DRC10: variants seen among roughly 807,000 people sequenced by gnomAD.
The protein encoded by DRC10 is dynein regulatory complex subunit 10.
At chr12:113,198,402 C>A in the DRC10 span, among the ~76,000 whole-genome samples, 1 of 152,088 alleles carries the variant, frequency 6.6e-6, no homozygotes, top group Non-Finnish European at 1.5e-5. Context: ...GATTTAGATG[C>A]AGTGGAGGGA....
the DRC10 span, among the ~76,000 whole-genome samples, chr12:113,220,085 A>G: frequency 6.6e-6 from 1 of 152,120 alleles, no homozygotes; most frequent in Admixed American, 6.6e-5. Context: ...TCGGCCTCCC[A>G]AAGTGCTGGG....
chr12:113,197,239 G>A, the DRC10 span, among the ~76,000 whole-genome samples: 19 of 122,406 alleles, frequency 1.6e-4, 1 homozygote, highest in African/African-American at 5.8e-4. Context: ...GTCTTGCTCT[G>A]TTGCCCAGGC....
chr12:113,219,444 T>C, the DRC10 span, among the ~76,000 whole-genome samples: 1 of 152,274 alleles, frequency 6.6e-6, no homozygotes, highest in Admixed American at 6.5e-5. Flanking sequence ...TGTTTATTTA[T>C]CTACATGATG....
the DRC10 span, among the ~76,000 whole-genome samples, chr12:113,203,260 A>C: frequency 2.6e-5 from 4 of 152,216 alleles, no homozygotes; most frequent in South Asian, 8.3e-4. Flanking sequence ...CCTGAGCTCA[A>C]GTGATCCACC....
the DRC10 span, among the ~76,000 whole-genome samples, chr12:113,196,681 T>C: frequency 6.6e-6 from 1 of 152,194 alleles, no homozygotes; most frequent in Non-Finnish European, 1.5e-5. Context: ...TTTGGCTCAC[T>C]CCAGCGCATA....
the DRC10 span, among the ~76,000 whole-genome samples, chr12:113,211,279 G>A: frequency 7.9e-5 from 12 of 152,092 alleles, no homozygotes; most frequent in African/African-American, 2.7e-4. Flanking sequence ...TAGATATAGG[G>A]TCTTGCTATG....
chr12:113,206,456 G>GT, the DRC10 span, among the ~76,000 whole-genome samples: 1 of 152,020 alleles, frequency 6.6e-6, no homozygotes, highest in Non-Finnish European at 1.5e-5. Flanking sequence ...AGCCAATCGG[G>GT]TTGAGTACAG....
chr12:113,208,099 T>C, the DRC10 span: 11 of 1,614,248 alleles, frequency 6.8e-6, no homozygotes, highest in Non-Finnish European at 9.3e-6. Context: ...TGGGTCTGTC[T>C]TTGGCCCTAT....
At chr12:113,207,944 T>C in the DRC10 span, 2 of 1,614,218 alleles carry the variant, frequency 1.2e-6, no homozygotes, top group Non-Finnish European at 1.7e-6. Flanking sequence ...TCCTCTCTGT[T>C]GGATGCCACA....
chr12:113,209,892 G>A, the DRC10 span, among the ~76,000 whole-genome samples: 6 of 152,222 alleles, frequency 3.9e-5, no homozygotes, highest in African/African-American at 1.2e-4. Flanking sequence ...GTGGGAGGCC[G>A]AGGGAGGTGG....
chr12:113,199,752 C>G, the DRC10 span, among the ~76,000 whole-genome samples: 1 of 152,076 alleles, frequency 6.6e-6, no homozygotes, highest in Non-Finnish European at 1.5e-5. Context: ...AGGTTTCACT[C>G]TGTTGACCTG....
the DRC10 span, chr12:113,208,240 T>C: frequency 6.6e-7 from 1 of 1,515,156 alleles, no homozygotes; most frequent in East Asian, 2.3e-5. Flanking sequence ...GGTCTCGTGC[T>C]TTTATTGTCT....
chr12:113,216,380 G>A, the DRC10 span, among the ~76,000 whole-genome samples: 1 of 152,186 alleles, frequency 6.6e-6, no homozygotes, highest in African/African-American at 2.4e-5. Flanking sequence ...GGGGAAGGGA[G>A]GGATGAATAG....
At chr12:113,212,562 C>T in the DRC10 span, among the ~76,000 whole-genome samples, 2,572 of 152,288 alleles carry the variant, frequency 0.017, 57 homozygotes, top group African/African-American at 0.058. Flanking sequence ...TCAGAGAGTG[C>T]GGCTGGAAAC....
At chr12:113,214,420 C>A in the DRC10 span, among the ~76,000 whole-genome samples, 5 of 147,078 alleles carry the variant, frequency 3.4e-5, no homozygotes. Context: ...GCAGGAGAAT[C>A]ACTTGAACCA....
the DRC10 span, among the ~76,000 whole-genome samples, chr12:113,215,343 AATCCTTGCT>A: frequency 6.6e-6 from 1 of 152,214 alleles, no homozygotes; most frequent in Non-Finnish European, 1.5e-5. Context: ...AATGAAATGA[AATCCTTGCT>A]CAAAAGTGTT....
At chr12:113,195,595 TCTC>T in the DRC10 span, 1 of 1,601,682 alleles carries the variant, frequency 6.2e-7, no homozygotes, top group Non-Finnish European at 8.5e-7. Context: ...CCCTTGCCCT[TCTC>T]CTTGCCTTTC....
At chr12:113,198,211 TC>T in the DRC10 span, among the ~76,000 whole-genome samples, 1 of 151,366 alleles carries the variant, frequency 6.6e-6, no homozygotes, top group Non-Finnish European at 1.5e-5. Flanking sequence ...AGCAAGACTG[TC>T]TCAAAAAATA....
the DRC10 span, among the ~76,000 whole-genome samples, chr12:113,220,056 C>T: frequency 5.3e-5 from 8 of 152,234 alleles, no homozygotes; most frequent in South Asian, 1.7e-3. Context: ...GATCTGCTGG[C>T]CCAGGTGATC....
Sources: gnomAD v4.1 joint callset for allele counts (sites outside exome capture counted in the v4.1 genomes callset) on GRCh38, gnomAD v4.1.1 for gene constraint, MANE v1.5 for transcripts, NCBI Gene and HGNC (gene_info 2026-07-23, HGNC 2026-07-21) for gene names.